The following EIF3H variants were observed in gnomAD, a reference collection of about 807,000 sequenced individuals.
The protein encoded by EIF3H is eIF-3-gamma.
Under a neutral mutation model 44.2 loss-of-function variants are expected in EIF3H, and 26 were observed. The ratio of observed to expected loss-of-function variants is 0.59; its 90% CI spans 0.43 to 0.82. The LOEUF (loss-of-function observed/expected upper bound fraction) is 0.82, where lower values mean the gene tolerates loss of function less well. Ranked by LOEUF, EIF3H falls within the 40% of genes least tolerant of loss-of-function variation. EIF3H has a pLI of 0.00. For missense variants in EIF3H, 359 were observed against 432.8 expected (o/e 0.83, Z 1.51); for synonymous variants, 166 against 151.9 (o/e 1.09, Z -0.68).
chr8:116,701,124 G>A (rs1196254806), intron 2 of EIF3H, among the ~76,000 whole-genome samples: 2 of 152,006 alleles, frequency 1.3e-5, no homozygotes, highest in African/African-American at 2.4e-5. Flanking sequence ...ATTTTTGGGG[G>A]GCTGGAGGGT....
intron 2 of EIF3H, among the ~76,000 whole-genome samples, chr8:116,693,627 C>T (rs1239587577): frequency 6.6e-6 from 1 of 152,136 alleles, no homozygotes; most frequent in African/African-American, 2.4e-5. Context: ...AACTAGGTCT[C>T]CCTCCCACTG....
chr8:116,731,476 G>A (rs757721443), intron 1 of EIF3H, among the ~76,000 whole-genome samples: 5 of 152,114 alleles, frequency 3.3e-5, no homozygotes, highest in Non-Finnish European at 5.9e-5. Context: ...AACTCCTCAG[G>A]TGACTACAAT....
chr8:116,698,176 T>C (rs1312545221), intron 2 of EIF3H, among the ~76,000 whole-genome samples: 4 of 151,548 alleles, frequency 2.6e-5, no homozygotes, highest in African/African-American at 7.2e-5. Context: ...AAAGTAATTA[T>C]AAAAGCAGTT....
chr8:116,699,404 T>C (rs1814330458), intron 2 of EIF3H, among the ~76,000 whole-genome samples: 1 of 152,210 alleles, frequency 6.6e-6, no homozygotes. Context: ...GTAATCTACA[T>C]GAACACTGAT....
intron 2 of EIF3H, among the ~76,000 whole-genome samples, chr8:116,661,069 A>T (rs1813579181): frequency 6.6e-6 from 1 of 152,208 alleles, no homozygotes; most frequent in Non-Finnish European, 1.5e-5. Context: ...CACATCAACC[A>T]CATAAATTTG....
intron 1 of EIF3H, among the ~76,000 whole-genome samples, chr8:116,739,780 C>A (rs1815100874): frequency 6.6e-6 from 1 of 152,210 alleles, no homozygotes; most frequent in South Asian, 2.1e-4. Context: ...TTTAATTCCT[C>A]TAGCGCCGCT....
chr8:116,741,564 C>T (rs1815134078), intron 1 of EIF3H, among the ~76,000 whole-genome samples: 1 of 152,160 alleles, frequency 6.6e-6, no homozygotes, highest in Admixed American at 6.5e-5. Context: ...CAAACTATAC[C>T]AGTCACTGCC....
At chr8:116,645,458 C>A (rs1040759131) in intron 7 of EIF3H, among the ~76,000 whole-genome samples, 7 of 152,168 alleles carry the variant, frequency 4.6e-5, no homozygotes, top group African/African-American at 1.7e-4. Flanking sequence ...AACAATAAAT[C>A]ACAGAGCTGC....
At position 116,706,119 on chromosome 8, in the gene EIF3H, C is replaced by A. The variant is rs574057669; in HGVS notation, c.289+19897G>T. Among the ~76,000 whole-genome samples, 171 of 152,172 alleles carry A rather than the reference C, an allele frequency of 1.1e-3. 1 individual carries two copies. Among genetic ancestry groups the A allele is most frequent in the African/African-American group, 4.0e-3 (167 of 41,510 alleles). On this transcript the variant is annotated intron_variant, in intron 2 of 7. Coordinates refer to ENST00000521861, the MANE Select transcript of EIF3H (RefSeq NM_003756.3). Reference sequence around the variant, plus strand: ...AAATGAAAAGTCCTAGATTAAGTCACAGAATTATAAAGACATTGATGACAG... The same window carrying A: ...AAATGAAAAGTCCTAGATTAAGTCAAAGAATTATAAAGACATTGATGACAG...
rs557969300 is a variant in EIF3H, at chr8:116,668,734, CTGGGCAGCGGGGGG to C, written c.290-9768_290-9755del. Among the ~76,000 whole-genome samples, 56 of 151,336 alleles carry C rather than the reference CTGGGCAGCGGGGGG, an allele frequency of 3.7e-4. 2 individuals carry two copies. In the South Asian group the frequency reaches 9.4e-3, roughly 25 times the overall value. ...ATGGGGAATGTGGGGGTCGTAGGGG[CTGGGCAGCGGGGGG>C]TGGGCACAATACTATCTACTTCATA... On this transcript the variant is annotated intron_variant, in intron 2 of 7. Transcript: ENST00000521861.
chr8:116,678,908 T>G (rs1197238434), intron 2 of EIF3H, among the ~76,000 whole-genome samples: 13 of 52,790 alleles, frequency 2.5e-4, no homozygotes, highest in Non-Finnish European at 4.7e-4. Flanking sequence ...GTCCGGGAGG[T>G]GAGGGGCTCC....
chr8:116,645,758 G>C (rs577417274), intron 7 of EIF3H, among the ~76,000 whole-genome samples: 8 of 152,206 alleles, frequency 5.3e-5, no homozygotes, highest in Admixed American at 1.3e-4. Flanking sequence ...ATGTACACTA[G>C]AAAATGTTAA....
intron 2 of EIF3H, among the ~76,000 whole-genome samples, chr8:116,675,102 T>TA (rs1563639399): frequency 1.5e-5 from 2 of 136,568 alleles, no homozygotes; most frequent in East Asian, 4.8e-4. Context: ...TATTGATTTA[T>TA]AAAAAAATCT....
intron 2 of EIF3H, among the ~76,000 whole-genome samples, chr8:116,681,666 C>CAAAAA (rs1176033381): frequency 3.3e-5 from 3 of 90,762 alleles, no homozygotes; most frequent in Admixed American, 1.3e-4. Context: ...AACTCCATCT[C>CAAAAA]AAAAAAAAAA....
chr8:116,729,111 G>C (rs556979998), intron 1 of EIF3H, among the ~76,000 whole-genome samples: 4 of 152,290 alleles, frequency 2.6e-5, no homozygotes, highest in South Asian at 4.1e-4. Context: ...AGGTTACCTA[G>C]ATTCCTTTAT....
In EIF3H at chr8:116,658,999, G is replaced by A. The variant is rs1198792125; in HGVS notation, c.290-19C>T. On this transcript the variant is annotated intron_variant, in intron 2 of 7. Transcript: ENST00000521861. ...TATTGGACTGGATGATGGGGAAGAG[G>A]AAATTAAAAGAAAAAACTTTTTAAT... The A allele has an allele frequency of 2.6e-6, 4 of 1,563,128 alleles. No individual in the cohort carries two copies. The African/African-American group carries it at 5.5e-5, about 22-fold the overall frequency.
chr8:116,724,426 C>T (rs1489412020), intron 2 of EIF3H, among the ~76,000 whole-genome samples: 1 of 152,006 alleles, frequency 6.6e-6, no homozygotes, highest in African/African-American at 2.4e-5. Context: ...AAAGCACAGG[C>T]AACAAAAGCA....
At chr8:116,761,928 T>A (rs753509238) in intron 1 of EIF3H, among the ~76,000 whole-genome samples, 2 of 152,234 alleles carry the variant, frequency 1.3e-5, no homozygotes, top group Non-Finnish European at 1.5e-5. Context: ...CATATTTAAC[T>A]AACTTTTCTC....
intron 2 of EIF3H, among the ~76,000 whole-genome samples, chr8:116,673,342 A>G (rs1813789404): frequency 6.6e-6 from 1 of 152,198 alleles, no homozygotes; most frequent in East Asian, 1.9e-4. Context: ...CGGGGATTTG[A>G]TTCCGATCCT....
Sources: allele counts gnomAD v4.1 joint callset (sites outside exome capture counted in the v4.1 genomes callset), GRCh38; gene constraint gnomAD v4.1.1; transcripts MANE v1.5; gene names NCBI Gene and HGNC (gene_info 2026-07-23, HGNC 2026-07-21).